The following ZNF518A variants were observed in gnomAD, a reference collection of about 807,000 sequenced individuals.
ZNF518A encodes zinc finger protein 518.
A neutral mutation model predicts 102.7 loss-of-function variants in ZNF518A; 47 were observed. That is an observed-to-expected ratio of 0.46 (90% confidence interval 0.36 to 0.58). ZNF518A has a LOEUF of 0.58. Ranked by LOEUF, ZNF518A falls within the 20% of genes least tolerant of loss-of-function variation. ZNF518A has a pLI of 0.00. For synonymous variants in ZNF518A, 652 were observed against 594.6 expected, an observed-to-expected ratio of 1.10 and a Z score of -1.40; for missense variants, 1,793 against 1,699.8, an observed-to-expected ratio of 1.05 and a Z score of -0.96.
chr10:96,150,556 A>AC (rs1479439309), intron 3 of ZNF518A, among the ~76,000 whole-genome samples: 8 of 150,824 alleles, frequency 5.3e-5, no homozygotes, highest in Non-Finnish European at 1.0e-4. Flanking sequence ...GAAAAAAAAA[A>AC]AACTTAGGTA....
chr10:96,138,841 G>C (rs1222155775), intron 3 of ZNF518A, among the ~76,000 whole-genome samples: 1 of 151,954 alleles, frequency 6.6e-6, no homozygotes, highest in Non-Finnish European at 1.5e-5. Context: ...TATTCCGGTG[G>C]TAGAGACAGA....
chr10:96,204,186 A>G, downstream of ZNF518A: 2 of 1,287,006 alleles, frequency 1.6e-6, no homozygotes, highest in Non-Finnish European at 2.3e-6. Flanking sequence ...GGCACATCAC[A>G]AATAAATCAA....
At chr10:96,166,052 C>T (rs587621970), downstream of ZNF518A, among the ~76,000 whole-genome samples, 1 of 152,236 alleles carries the variant, frequency 6.6e-6, no homozygotes, top group African/African-American at 2.4e-5. Context: ...AGGCCTGAAA[C>T]CCTGGAGTTC....
chr10:96,145,740 G>A (rs1289684425), intron 3 of ZNF518A, among the ~76,000 whole-genome samples: 1 of 152,150 alleles, frequency 6.6e-6, no homozygotes, highest in Non-Finnish European at 1.5e-5. Flanking sequence ...ATTATTTTGA[G>A]TTTAAGAAAA....
chr10:96,172,460 T>A (rs1296105799), intron 1 of ZNF518A, among the ~76,000 whole-genome samples: 1 of 152,060 alleles, frequency 6.6e-6, no homozygotes, highest in East Asian at 1.9e-4. Flanking sequence ...TTGTTCTTTT[T>A]AAATTACCTT....
At position 96,144,150 on chromosome 10, in the gene ZNF518A, T is replaced by C. The variant is rs111571188; in HGVS notation, c.-302+10502T>C. 5.3e-3 allele frequency among the ~76,000 whole-genome samples: 814 copies of C among 152,294 alleles called. 7 individuals carry two copies. The highest frequency in any genetic ancestry group is 0.019 in the African/African-American group (777 of 41,558). Reference sequence around the variant, plus strand: ...ACAGGTGCATGCCACCATGCTCAGCTAATTTTTGTATTTTTTGTAGAAATG... The same window carrying C: ...ACAGGTGCATGCCACCATGCTCAGCCAATTTTTGTATTTTTTGTAGAAATG... On this transcript the variant is annotated intron_variant, in intron 3 of 5. Transcript: ENST00000316045.
chr10:96,159,077 A>G lies in ZNF518A; in HGVS notation c.2755A>G (p.Ser919Gly). Reference sequence around the variant, plus strand: ...AAATTTAGGTTCTTTTTATATGCAGAGTCCACTTTTAAATTCAGAACAAAA... The same window carrying G: ...AAATTTAGGTTCTTTTTATATGCAGGGTCCACTTTTAAATTCAGAACAAAA... Reference protein sequence around the residue: ...TQNLGSFYMQSPLLNSEQKKT... With the variant: ...TQNLGSFYMQGPLLNSEQKKT... The change falls in exon 6 of 6, where the codon AGT becomes GGT. Residue 919 changes from serine (S) to glycine (G), a missense_variant. Ser to Gly is a moderately conservative substitution (Grantham distance 56). Around this residue, in one of 3 missense-constraint regions of ZNF518A, gnomAD observed 1,741 missense variants for 1,622.6 expected, o/e 1.07. Coordinates refer to ENST00000316045, the MANE Select transcript of ZNF518A (RefSeq NM_001330736.2). 3.1e-6 allele frequency: 5 copies of G among 1,613,016 alleles called. No individual in the cohort carries two copies. The highest frequency in any genetic ancestry group is 4.2e-6 in the Non-Finnish European group (5 of 1,179,628).
At chr10:96,187,192 A>T (rs1156912686) in intron 1 of ZNF518A, among the ~76,000 whole-genome samples, 1 of 152,238 alleles carries the variant, frequency 6.6e-6, no homozygotes, top group African/African-American at 2.4e-5. Flanking sequence ...ATATTTATAG[A>T]TGGGTTCATT....
intron 1 of ZNF518A, chr10:96,201,009 A>G: frequency 6.2e-7 from 1 of 1,614,168 alleles, no homozygotes; most frequent in Non-Finnish European, 8.5e-7. Context: ...AATTAGATGA[A>G]AAGCTGGGTA....
chr10:96,181,836 C>T (rs1326678133), intron 1 of ZNF518A, among the ~76,000 whole-genome samples: 1 of 152,118 alleles, frequency 6.6e-6, no homozygotes, highest in Non-Finnish European at 1.5e-5. Flanking sequence ...TTTTTGGTTC[C>T]ATATGAACTC....
At chr10:96,138,400 GC>G (rs2081729544) in intron 3 of ZNF518A, among the ~76,000 whole-genome samples, 1 of 151,988 alleles carries the variant, frequency 6.6e-6, no homozygotes, top group Admixed American at 6.6e-5. Flanking sequence ...TGATTTTCTT[GC>G]TGTTCCCCAA....
intron 1 of ZNF518A, chr10:96,192,224 T>A: frequency 7.7e-7 from 1 of 1,298,334 alleles, no homozygotes; most frequent in Admixed American, 2.0e-5. Flanking sequence ...CACAAAAAAA[T>A]CTAGTTTAAC....
intron 3 of ZNF518A, among the ~76,000 whole-genome samples, chr10:96,141,406 G>T (rs1002877765): frequency 2.0e-5 from 3 of 152,130 alleles, no homozygotes; most frequent in African/African-American, 7.2e-5. Context: ...TTAGATAGAA[G>T]GAAGGAGATG....
chr10:96,184,877 G>T (rs1554892397), intron 1 of ZNF518A, among the ~76,000 whole-genome samples: 1 of 152,142 alleles, frequency 6.6e-6, no homozygotes, highest in African/African-American at 2.4e-5. Context: ...AGTTCTCCTG[G>T]ATAATATCCT....
At chr10:96,164,527 CCT>C (rs2083105344), downstream of ZNF518A, among the ~76,000 whole-genome samples, 1 of 152,152 alleles carries the variant, frequency 6.6e-6, no homozygotes, top group Admixed American at 6.5e-5. Context: ...TTTATGTATG[CCT>C]CTCTTAATAA....
intron 1 of ZNF518A, among the ~76,000 whole-genome samples, chr10:96,179,422 A>G (rs2083225360): frequency 1.3e-5 from 2 of 152,230 alleles, no homozygotes; most frequent in Non-Finnish European, 1.5e-5. Flanking sequence ...AGCCACAATA[A>G]GATACTACTA....
rs1375149945 is a variant in ZNF518A, at chr10:96,161,690, T to G, written c.*916T>G. 1 of 167,106 alleles carries G rather than the reference T, an allele frequency of 6.0e-6. No homozygotes were observed. Among genetic ancestry groups the G allele is most frequent in the East Asian group, 1.9e-4 (1 of 5,198 alleles). 10.4% of individuals were successfully genotyped at this position (167,106 alleles called of 1,614,324 possible). ...TAGGAGCACTTCCAAGGGAGTGGCTTTTCTTGAAAATTAAAATTGTTTACC... is the reference window on the plus strand; with the variant it reads ...TAGGAGCACTTCCAAGGGAGTGGCTGTTCTTGAAAATTAAAATTGTTTACC... On this transcript the variant is annotated 3_prime_UTR_variant, in exon 6 of 6. Transcript: ENST00000316045.
chr10:96,167,368 C>T (rs1470508745), downstream of ZNF518A, among the ~76,000 whole-genome samples: 1 of 152,024 alleles, frequency 6.6e-6, no homozygotes, highest in Admixed American at 6.5e-5. Context: ...GCAGGAGAAT[C>T]GCTTGAACTC....
chr10:96,196,806 C>T (rs1403978198), intron 1 of ZNF518A: 5 of 1,186,108 alleles, frequency 4.2e-6, no homozygotes, highest in Non-Finnish European at 6.1e-6. Context: ...AGAACAAGTA[C>T]TTTTGTATCC....
Sources: gnomAD v4.1 joint callset for allele counts (sites outside exome capture counted in the v4.1 genomes callset) on GRCh38, gnomAD v4.1.1 for gene constraint, gnomAD v4.1.1 regional missense constraint, MANE v1.5 for transcripts, NCBI Gene and HGNC (gene_info 2026-07-23, HGNC 2026-07-21) for gene names.